The following KLHL1 variants were observed in gnomAD, a reference collection of about 807,000 sequenced individuals.
KLHL1 encodes kelch-like protein 1.
A neutral mutation model predicts 77.7 loss-of-function variants in KLHL1; 47 were observed. That is an observed-to-expected ratio of 0.60 (90% CI 0.48 to 0.77). The LOEUF is 0.77. Among genes scored for constraint, KLHL1 ranks in the 30% least tolerant of loss-of-function variants. The probability of loss-of-function intolerance (pLI) is 0.00; values close to 1 mark genes in which losing one functional copy is unlikely to be tolerated. For missense variants in KLHL1, 925 were observed against 910.8 expected (o/e 1.02, Z -0.20); for synonymous variants, 360 against 325.2 (o/e 1.11, Z -1.15).
intron 6 of KLHL1, among the ~76,000 whole-genome samples, chr13:69,827,782 G>A (rs1207672075): frequency 6.7e-6 from 1 of 149,706 alleles, no homozygotes; most frequent in African/African-American, 2.5e-5. Flanking sequence ...ATCATTAACA[G>A]GTTAAATGTG....
At chr13:69,811,770 G>A (rs908372985) in intron 6 of KLHL1, among the ~76,000 whole-genome samples, 3 of 152,026 alleles carry the variant, frequency 2.0e-5, no homozygotes, top group Non-Finnish European at 4.4e-5. Flanking sequence ...ATTTTTTATT[G>A]AGTCTATTTG....
chr13:70,050,464 T>C (rs2137391250), intron 1 of KLHL1, among the ~76,000 whole-genome samples: 1 of 151,960 alleles, frequency 6.6e-6, no homozygotes, highest in East Asian at 1.9e-4. Context: ...AAAAAACCCA[T>C]ACTCATTTCT....
chr13:69,853,841 C>T (rs2911523), intron 5 of KLHL1, among the ~76,000 whole-genome samples: 140,639 of 152,082 alleles, frequency 0.92, 65,231 homozygotes, highest in East Asian at 0.99. Context: ...GAAGACATTA[C>T]ATCTTCTTCA....
intron 6 of KLHL1, among the ~76,000 whole-genome samples, chr13:69,799,821 T>C (rs1351519938): frequency 6.6e-6 from 1 of 152,124 alleles, no homozygotes; most frequent in East Asian, 1.9e-4. Flanking sequence ...CCAGTAATGG[T>C]CCGTGGTCTG....
intron 7 of KLHL1, among the ~76,000 whole-genome samples, chr13:69,787,506 A>C (rs2138019272): frequency 6.6e-6 from 1 of 152,344 alleles, no homozygotes; most frequent in Admixed American, 6.5e-5. Flanking sequence ...TACAAAAATT[A>C]ATTCAAGGTG....
chr13:70,095,856 C>T (rs1233921844), intron 1 of KLHL1, among the ~76,000 whole-genome samples: 1 of 151,698 alleles, frequency 6.6e-6, no homozygotes, highest in African/African-American at 2.4e-5. Context: ...CGCTAATACT[C>T]TTTCCAGATG....
At chr13:69,949,344 G>T (rs765118988) in intron 3 of KLHL1, among the ~76,000 whole-genome samples, 1 of 151,246 alleles carries the variant, frequency 6.6e-6, no homozygotes, top group Non-Finnish European at 1.5e-5. Context: ...GATTTTGACA[G>T]TTTTGAGGAG....
At chr13:69,930,105 C>T (rs1882952045) in intron 4 of KLHL1, among the ~76,000 whole-genome samples, 1 of 151,708 alleles carries the variant, frequency 6.6e-6, no homozygotes, top group Non-Finnish European at 1.5e-5. Context: ...CAAAGATGCA[C>T]TTTGAGAAAT....
chr13:69,711,685 G>T (rs1455739351), intron 9 of KLHL1, among the ~76,000 whole-genome samples: 2 of 152,000 alleles, frequency 1.3e-5, no homozygotes, highest in African/African-American at 4.8e-5. Flanking sequence ...TTTTCATTCA[G>T]ATGTTTTTGT....
intron 4 of KLHL1, among the ~76,000 whole-genome samples, chr13:69,905,948 C>T (rs1454710964): frequency 6.6e-6 from 1 of 151,976 alleles, no homozygotes; most frequent in Non-Finnish European, 1.5e-5. Context: ...ATCACAGCAA[C>T]CCAGGAGATC....
intron 2 of KLHL1, among the ~76,000 whole-genome samples, chr13:69,970,209 G>C (rs533466413): frequency 6.6e-6 from 1 of 151,992 alleles, no homozygotes; most frequent in Non-Finnish European, 1.5e-5. Flanking sequence ...ACATAACCCT[G>C]TATCTCAAAT....
intron 1 of KLHL1, among the ~76,000 whole-genome samples, chr13:70,008,149 A>G (rs551852745): frequency 8.5e-5 from 13 of 152,150 alleles, no homozygotes; most frequent in Admixed American, 8.5e-4. Flanking sequence ...TATTTTCTAC[A>G]GGACCTAGGA....
At chr13:69,928,583 A>G (rs1394188031) in intron 4 of KLHL1, among the ~76,000 whole-genome samples, 1 of 152,236 alleles carries the variant, frequency 6.6e-6, no homozygotes, top group Non-Finnish European at 1.5e-5. Context: ...ATGCTATAGT[A>G]TTTCACAATA....
At chr13:69,730,266 AATGTGTGTGTGTGT>A (rs1873484346) in intron 8 of KLHL1, among the ~76,000 whole-genome samples, 1 of 125,080 alleles carries the variant, frequency 8.0e-6, no homozygotes, top group South Asian at 2.5e-4. Flanking sequence ...CTAACACTTT[AATGTGTGTGTGTGT>A]GTGTGTGTGT....
At chr13:69,887,317 G>A (rs1159424871) in intron 4 of KLHL1, among the ~76,000 whole-genome samples, 1 of 152,134 alleles carries the variant, frequency 6.6e-6, no homozygotes, top group Non-Finnish European at 1.5e-5. Context: ...AAGGTACAAT[G>A]TAGGCCACAG....
At chr13:70,062,898 C>T (rs2033985) in intron 1 of KLHL1, among the ~76,000 whole-genome samples, 53,302 of 151,740 alleles carry the variant, frequency 0.35, 10,506 homozygotes, top group African/African-American at 0.54. Flanking sequence ...CCTTTTCAGT[C>T]AATTTTTTTC....
At chr13:70,096,467 T>A (rs2137448641) in intron 1 of KLHL1, among the ~76,000 whole-genome samples, 1 of 152,250 alleles carries the variant, frequency 6.6e-6, no homozygotes, top group East Asian at 1.9e-4. Context: ...TTTTTACATA[T>A]ACCTTTTGGC....
At chr13:69,820,024 C>T (rs74402306) in intron 6 of KLHL1, among the ~76,000 whole-genome samples, 3,292 of 152,230 alleles carry the variant, frequency 0.022, 115 homozygotes, top group African/African-American at 0.075. Context: ...AGAGCAGTCC[C>T]TCTAAGAATC....
intron 5 of KLHL1, among the ~76,000 whole-genome samples, chr13:69,877,471 A>AT (rs1441849941): frequency 2.0e-5 from 3 of 150,126 alleles, no homozygotes; most frequent in African/African-American, 7.5e-5. Context: ...CTATATATAT[A>AT]TATTTTTTTT....
Sources: gnomAD v4.1 joint callset for allele counts (sites outside exome capture counted in the v4.1 genomes callset) on GRCh38, gnomAD v4.1.1 for gene constraint, MANE v1.5 for transcripts, NCBI Gene and HGNC (gene_info 2026-07-23, HGNC 2026-07-21) for gene names.